Variants in GRIK4 observed in about 807,000 individuals in gnomAD.
GRIK4 encodes glutamate ionotropic receptor kainate type subunit 4.
In GRIK4, 40 loss-of-function variants were observed where a neutral mutation model predicts 104.9. That is an observed-to-expected ratio of 0.38 (90% confidence interval 0.30 to 0.50). The LOEUF (loss-of-function observed/expected upper bound fraction) is 0.50, where lower values mean the gene tolerates loss of function less well. GRIK4 is among the 20% of genes least tolerant of loss of function. The pLI is 0.93. For missense variants in GRIK4, 1,047 were observed against 1,308.1 expected (o/e 0.80, Z 3.08); for synonymous variants, 485 against 524.9 (o/e 0.92, Z 1.04).
intron 5 of GRIK4, among the ~76,000 whole-genome samples, chr11:120,818,611 A>G (rs180755079): frequency 2.2e-3 from 342 of 152,342 alleles, no homozygotes; most frequent in African/African-American, 7.9e-3. Flanking sequence ...CCTCAGTCTC[A>G]GAGGAGCTCT....
chr11:120,904,222 G>A (rs1232323397), intron 12 of GRIK4, among the ~76,000 whole-genome samples: 1 of 152,102 alleles, frequency 6.6e-6, no homozygotes, highest in African/African-American at 2.4e-5. Flanking sequence ...TAAACACCCA[G>A]TGGGTCACTT....
chr11:120,574,184 T>G (rs1415093269), intron 1 of GRIK4, among the ~76,000 whole-genome samples: 1 of 152,168 alleles, frequency 6.6e-6, no homozygotes, highest in African/African-American at 2.4e-5. Context: ...TCTGTCATGC[T>G]GGTTGAATTG....
At chr11:120,827,114 A>T (rs980450693) in intron 6 of GRIK4, among the ~76,000 whole-genome samples, 1 of 152,210 alleles carries the variant, frequency 6.6e-6, no homozygotes, top group Non-Finnish European at 1.5e-5. Flanking sequence ...GCACTACTCC[A>T]GCCAGTAAAG....
At chr11:120,531,980 C>T (rs527670488) in intron 1 of GRIK4, among the ~76,000 whole-genome samples, 1 of 152,330 alleles carries the variant, frequency 6.6e-6, no homozygotes, top group African/African-American at 2.4e-5. Context: ...AACCCTTCTT[C>T]TCCCCTTTAC....
intron 3 of GRIK4, among the ~76,000 whole-genome samples, chr11:120,701,913 T>C (rs1245520809): frequency 1.3e-5 from 2 of 151,066 alleles, no homozygotes; most frequent in Admixed American, 6.6e-5. Flanking sequence ...ATATGAGATG[T>C]GTATGTGTAA....
chr11:120,915,475 TGGCCTCCCTCTCC>T (rs1275841701), intron 13 of GRIK4, among the ~76,000 whole-genome samples: 2 of 152,094 alleles, frequency 1.3e-5, no homozygotes, highest in East Asian at 3.9e-4. Context: ...CTCCCTCTGA[TGGCCTCCCTCTCC>T]TCCATTCAGG....
At position 120,513,324 on chromosome 11, in the gene GRIK4, A is replaced by G. The variant is rs975506132; in HGVS notation, c.-159+1437A>G. On this transcript the variant is annotated intron_variant, in intron 1 of 20. Coordinates refer to ENST00000527524, the MANE Select transcript of GRIK4 (RefSeq NM_014619.5). The surrounding 1 kb of genome is among the most constrained non-coding windows in gnomAD (Gnocchi z 4.5). ...CTGCGGGCGTGGTATCTCCGGGGAG[A>G]GAGGCCGCCTGGGTTGGTAGTGGGC... Among the ~76,000 whole-genome samples the G allele has an allele frequency of 6.6e-6, 1 of 152,078 alleles. No individual in the cohort carries two copies. The highest frequency in any genetic ancestry group is 1.5e-5 in the Non-Finnish European group (1 of 68,030).
intron 1 of GRIK4, among the ~76,000 whole-genome samples, chr11:120,567,539 C>T (rs1037541703): frequency 4.6e-5 from 7 of 152,236 alleles, no homozygotes; most frequent in African/African-American, 2.4e-5. Context: ...AAGGGGATTT[C>T]GTGTTAGTTA....
At chr11:120,914,832 G>A (rs948328363) in intron 13 of GRIK4, among the ~76,000 whole-genome samples, 7 of 152,230 alleles carry the variant, frequency 4.6e-5, no homozygotes, top group Non-Finnish European at 1.5e-5. Context: ...GCAGATGAGA[G>A]GGGGACGGAT....
At chr11:120,830,392 G>A (rs139734094) in intron 6 of GRIK4, among the ~76,000 whole-genome samples, 16 of 152,272 alleles carry the variant, frequency 1.1e-4, no homozygotes, top group African/African-American at 3.6e-4. Context: ...CTGTGTCCCC[G>A]TGTCTCTGTT....
At chr11:120,526,250 G>A (rs1440361764) in intron 1 of GRIK4, among the ~76,000 whole-genome samples, 1 of 152,096 alleles carries the variant, frequency 6.6e-6, no homozygotes, top group Non-Finnish European at 1.5e-5. Context: ...CGCCCAGGCT[G>A]GAGTGCGGTG....
intron 3 of GRIK4, among the ~76,000 whole-genome samples, chr11:120,672,852 A>G (rs1157312571): frequency 6.6e-6 from 1 of 152,242 alleles, no homozygotes; most frequent in Non-Finnish European, 1.5e-5. Flanking sequence ...TTCTAAATAT[A>G]TAATCATGTC....
intron 1 of GRIK4, among the ~76,000 whole-genome samples, chr11:120,520,201 T>A (rs1326564163): frequency 6.6e-6 from 1 of 152,188 alleles, no homozygotes; most frequent in Non-Finnish European, 1.5e-5. Flanking sequence ...CCTACCTCAC[T>A]ACTGCTTCTA....
chr11:120,956,801 C>T lies in GRIK4; in HGVS notation c.1722C>T (p.Tyr574=). 6.2e-7 allele frequency: 1 copy of T among 1,609,442 alleles called. No homozygotes were observed. The highest frequency in any genetic ancestry group is 8.5e-7 in the Non-Finnish European group (1 of 1,177,362). ...LVARLTPYEW[Y]SPHPCAQGRC... is the part of the protein sequence containing the mutation. ...ACAGGTTGACGCCCTACGAGTGGTA[C>T]AGCCCACACCCATGTGCCCAGGGCC... Residue 574 remains tyrosine (Y), a synonymous_variant, in exon 16 of 21, where the codon TAC becomes TAT. Transcript: ENST00000527524. The surrounding 1 kb of genome is among the most constrained non-coding windows in gnomAD (Gnocchi z 4.6).
intron 3 of GRIK4, among the ~76,000 whole-genome samples, chr11:120,687,262 T>C (rs1353001804): frequency 6.7e-6 from 1 of 149,674 alleles, no homozygotes; most frequent in African/African-American, 2.4e-5. Flanking sequence ...TCAGGGACCA[T>C]GCCTTGGGTC....
intron 1 of GRIK4, among the ~76,000 whole-genome samples, chr11:120,552,599 C>T (rs1485974048): frequency 6.6e-6 from 1 of 152,164 alleles, no homozygotes; most frequent in East Asian, 1.9e-4. Context: ...TGCAAGGAGT[C>T]AAACTGGCTT....
chr11:120,659,539 C>A (rs528944662), intron 2 of GRIK4, among the ~76,000 whole-genome samples: 3 of 152,124 alleles, frequency 2.0e-5, no homozygotes, highest in Non-Finnish European at 4.4e-5. Flanking sequence ...GACACTGAGC[C>A]GAGACACAGA....
At chr11:120,541,154 C>T (rs1948030538) in intron 1 of GRIK4, among the ~76,000 whole-genome samples, 1 of 152,262 alleles carries the variant, frequency 6.6e-6, no homozygotes, top group African/African-American at 2.4e-5. Flanking sequence ...GCCGGTGCAG[C>T]TCTGTCTTTA....
In GRIK4 at chr11:120,772,759, G is replaced by C. The variant is rs147778940; in HGVS notation, c.83-29934G>C. Among the ~76,000 whole-genome samples, 465 of 151,996 alleles carry C rather than the reference G, an allele frequency of 3.1e-3. 3 individuals are homozygous for C. The highest frequency in any genetic ancestry group is 0.011 in the African/African-American group (441 of 41,464). On this transcript the variant is annotated intron_variant, in intron 3 of 20. Transcript: ENST00000527524. ...CATGGGAAGAAAGGGGAAGGAATGGGATCTAGCATGCTGCTGGAAGGATTG... is the reference window on the plus strand; with the variant it reads ...CATGGGAAGAAAGGGGAAGGAATGGCATCTAGCATGCTGCTGGAAGGATTG...
Sources: allele counts gnomAD v4.1 joint callset (sites outside exome capture counted in the v4.1 genomes callset), GRCh38; gene constraint gnomAD v4.1.1; non-coding constraint Gnocchi (gnomAD v3.1); transcripts MANE v1.5; gene names NCBI Gene and HGNC (gene_info 2026-07-23, HGNC 2026-07-21).